MACROD2: variants seen among roughly 807,000 people sequenced by gnomAD.
MACROD2 encodes the protein ADP-ribose glycohydrolase MACROD2.
MACROD2 carries 36 observed loss-of-function variants against 70.4 expected under a neutral mutation model. The ratio of observed to expected loss-of-function variants is 0.51; its 90% CI spans 0.39 to 0.68. The LOEUF (loss-of-function observed/expected upper bound fraction) is 0.68. Among genes scored for constraint, MACROD2 ranks in the 30% least tolerant of loss-of-function variants. The pLI is 0.00. For synonymous variants in MACROD2, 172 were observed against 178.8 expected (o/e 0.96, Z 0.30); for missense variants, 496 against 538.4 (o/e 0.92, Z 0.78).
chr20:15,079,340 G>T (rs916996005), intron 5 of MACROD2, among the ~76,000 whole-genome samples: 3 of 151,828 alleles, frequency 2.0e-5, no homozygotes, highest in African/African-American at 7.3e-5. Flanking sequence ...AAGCCCCCCA[G>T]TTCCTTGACT....
At chr20:14,879,671 C>A (rs1172095095) in intron 5 of MACROD2, among the ~76,000 whole-genome samples, 2 of 152,256 alleles carry the variant, frequency 1.3e-5, no homozygotes, top group Middle Eastern at 3.4e-3. Flanking sequence ...TCTTTCATCA[C>A]AAACTGTTGA....
intron 7 of MACROD2, among the ~76,000 whole-genome samples, chr20:15,436,984 A>G (rs1410774378): frequency 2.6e-5 from 4 of 152,066 alleles, no homozygotes; most frequent in Non-Finnish European, 5.9e-5. Context: ...CTCATATTCT[A>G]TTGCTTGCAG....
At chr20:15,183,406 G>A (rs1467011520) in intron 5 of MACROD2, among the ~76,000 whole-genome samples, 1 of 151,870 alleles carries the variant, frequency 6.6e-6, no homozygotes, top group African/African-American at 2.4e-5. Context: ...AGGCATGGTG[G>A]CATGCACCTG....
intron 9 of MACROD2, among the ~76,000 whole-genome samples, chr20:15,881,392 G>T (rs1455919669): frequency 6.6e-6 from 1 of 152,028 alleles, no homozygotes; most frequent in Non-Finnish European, 1.5e-5. Context: ...ATTGGTTGGG[G>T]ATGAAATCAC....
chr20:14,267,818 A>G (rs1568529193), intron 3 of MACROD2, among the ~76,000 whole-genome samples: 1 of 152,072 alleles, frequency 6.6e-6, no homozygotes, highest in Non-Finnish European at 1.5e-5. Context: ...AAGTGATGAC[A>G]TGGACTCTCT....
intron 4 of MACROD2, among the ~76,000 whole-genome samples, chr20:14,681,967 C>G (rs1362634669): frequency 6.6e-6 from 1 of 152,040 alleles, no homozygotes; most frequent in African/African-American, 2.4e-5. Flanking sequence ...TAATATTTAC[C>G]TTATAAGGTT....
At chr20:15,302,945 C>T (rs2077661231) in intron 6 of MACROD2, among the ~76,000 whole-genome samples, 1 of 152,138 alleles carries the variant, frequency 6.6e-6, no homozygotes, top group African/African-American at 2.4e-5. Flanking sequence ...ACTTAACCTC[C>T]CTAAGCTTCA....
chr20:14,281,161 TG>T (rs1460113710), intron 3 of MACROD2, among the ~76,000 whole-genome samples: 1 of 152,060 alleles, frequency 6.6e-6, no homozygotes, highest in Non-Finnish European at 1.5e-5. Context: ...AGCCAAAAAA[TG>T]GAAACAAACC....
intron 9 of MACROD2, among the ~76,000 whole-genome samples, chr20:15,877,004 T>C (rs1601039853): frequency 6.6e-6 from 1 of 152,128 alleles, no homozygotes; most frequent in Admixed American, 6.6e-5. Flanking sequence ...ACCATCCTTG[T>C]TGAGGTTATT....
rs145010707 is a variant in MACROD2, at chr20:15,088,502, G to A, written c.419-141438G>A. 9.2e-4 allele frequency among the ~76,000 whole-genome samples: 133 copies of A among 144,708 alleles called. 2 individuals carry two copies. In the East Asian group the frequency reaches 0.021, roughly 23 times the overall value. 94.9% of individuals were successfully genotyped at this position (144,708 alleles called of 152,430 possible). On this transcript the variant is annotated intron_variant, in intron 5 of 17. Coordinates refer to ENST00000684519, the MANE Select transcript of MACROD2 (RefSeq NM_001351661.2). ...CTTTAAAGTCAGGCAAAGCTACTGA[G>A]AAATGTGAGGTTATTTCATAATTGT...
intron 5 of MACROD2, among the ~76,000 whole-genome samples, chr20:14,771,772 A>G (rs932116562): frequency 6.6e-6 from 1 of 151,518 alleles, no homozygotes; most frequent in African/African-American, 2.4e-5. Context: ...ACATACACAT[A>G]TGGTGTATAT....
At chr20:14,766,649 C>T (rs1236426397) in intron 5 of MACROD2, among the ~76,000 whole-genome samples, 1 of 152,054 alleles carries the variant, frequency 6.6e-6, no homozygotes, top group Non-Finnish European at 1.5e-5. Context: ...AAAATGGTTG[C>T]TTATGTTTGA....
chr20:14,844,338 A>C (rs1275748178), intron 5 of MACROD2, among the ~76,000 whole-genome samples: 2 of 151,488 alleles, frequency 1.3e-5, no homozygotes, highest in Non-Finnish European at 2.9e-5. Flanking sequence ...ACATGATGAA[A>C]CCTCATCTCT....
intron 6 of MACROD2, among the ~76,000 whole-genome samples, chr20:15,325,992 T>G (rs898490919): frequency 1.3e-5 from 2 of 152,194 alleles, no homozygotes; most frequent in African/African-American, 4.8e-5. Flanking sequence ...CTGCTTCATC[T>G]TGGACTCCTC....
intron 3 of MACROD2, among the ~76,000 whole-genome samples, chr20:14,225,230 T>G (rs1475802569): frequency 6.6e-6 from 1 of 152,244 alleles, no homozygotes; most frequent in African/African-American, 2.4e-5. Context: ...TGGTTATATT[T>G]TAGTAGCTTG....
At chr20:14,758,803 A>C (rs2071976876) in intron 5 of MACROD2, among the ~76,000 whole-genome samples, 1 of 152,138 alleles carries the variant, frequency 6.6e-6, no homozygotes, top group Non-Finnish European at 1.5e-5. Context: ...TCTCATCCTT[A>C]GATAAGTACT....
intron 10 of MACROD2, among the ~76,000 whole-genome samples, chr20:15,906,655 TCTC>T (rs2065151621): frequency 6.6e-6 from 1 of 152,186 alleles, no homozygotes; most frequent in South Asian, 2.1e-4. Flanking sequence ...ATCTCTTTAT[TCTC>T]CTCCAGTCTG....
At chr20:15,369,764 A>C (rs140900014) in intron 6 of MACROD2, among the ~76,000 whole-genome samples, 154 of 152,334 alleles carry the variant, frequency 1.0e-3, no homozygotes, top group African/African-American at 3.6e-3. Flanking sequence ...AATTAGAATT[A>C]GGTTCCGATA....
chr20:15,865,936 G>A lies in MACROD2; in HGVS notation c.727+3110G>A, dbSNP rs139933855. ...CACTCAGGAAGCAGGAACTTACTTC[G>A]ATGATTCTGACACTATTAGATTTTT... On this transcript the variant is annotated intron_variant, in intron 9 of 17. Transcript: ENST00000684519. 1.3e-3 allele frequency among the ~76,000 whole-genome samples: 200 copies of A among 152,266 alleles called. 1 individual carries two copies. The highest frequency in any genetic ancestry group is 4.5e-3 in the African/African-American group (187 of 41,548).
Sources: gnomAD v4.1 joint callset for allele counts (sites outside exome capture counted in the v4.1 genomes callset) on GRCh38, gnomAD v4.1.1 for gene constraint, MANE v1.5 for transcripts, NCBI Gene and HGNC (gene_info 2026-07-23, HGNC 2026-07-21) for gene names.